Variants in ITGA8 observed in about 807,000 individuals in gnomAD.
The protein encoded by ITGA8 is integrin subunit alpha 8, also known as integrin alpha-8.
In ITGA8, 91 loss-of-function variants were observed where a neutral mutation model predicts 142.3. The observed-to-expected ratio is 0.64, with a 90% CI of 0.54 to 0.76. ITGA8 has a LOEUF of 0.76. Ranked by LOEUF, ITGA8 falls within the 30% of genes least tolerant of loss-of-function variation. The probability of loss-of-function intolerance (pLI) is 0.00; values close to 1 mark genes in which losing one functional copy is unlikely to be tolerated. For synonymous variants in ITGA8, 505 were observed against 485.2 expected (o/e 1.04, Z -0.54); for missense variants, 1,406 against 1,327.7 (o/e 1.06, Z -0.92).
chr10:15,520,439 C>CA (rs1174188874), intron 28 of ITGA8, among the ~76,000 whole-genome samples: 1 of 152,120 alleles, frequency 6.6e-6, no homozygotes, highest in East Asian at 1.9e-4. Flanking sequence ...AACAAAAACA[C>CA]AAAAACAAAG....
intron 25 of ITGA8, among the ~76,000 whole-genome samples, chr10:15,569,608 G>A (rs575371878): frequency 6.6e-6 from 1 of 152,236 alleles, no homozygotes; most frequent in East Asian, 1.9e-4. Flanking sequence ...TTAAAGAGAT[G>A]AAGTCTTGCT....
chr10:15,682,881 C>T (rs555973921), intron 4 of ITGA8, among the ~76,000 whole-genome samples: 1 of 150,736 alleles, frequency 6.6e-6, no homozygotes, highest in African/African-American at 2.4e-5. Context: ...AAAATTTCTA[C>T]TGCCTGTTAT....
At position 15,592,205 on chromosome 10, in the gene ITGA8, T is replaced by A. The variant is rs1035558402; in HGVS notation, c.2291+20A>T. 9 of 1,574,652 alleles carry A rather than the reference T, an allele frequency of 5.7e-6. No individual in the cohort carries two copies. The highest frequency in any genetic ancestry group is 5.4e-5 in the African/African-American group (4 of 74,074). On this transcript the variant is annotated intron_variant, in intron 22 of 29. Transcript: ENST00000378076. The stretch of plus-strand genomic sequence containing the variant: ...TTTCTTTTGACTGCTGTCAACGATA[T>A]AGGCATGTAAAGGTCTAACCTTCTG...
In ITGA8 at chr10:15,539,632, A is replaced by AG. The variant is rs1409197511; in HGVS notation, c.2881-8482dup. 7.9e-5 allele frequency among the ~76,000 whole-genome samples: 12 copies of AG among 152,264 alleles called. No homozygotes were observed. The South Asian group carries it at 2.5e-3, about 32-fold the overall frequency. On this transcript the variant is annotated intron_variant, in intron 27 of 29. Coordinates refer to ENST00000378076, the MANE Select transcript of ITGA8 (RefSeq NM_003638.3). Reference sequence around the variant, plus strand: ...AATCAAATTAGGGTGTGGCTCAAAGAGGAAAGGCAGCCTAATTCTTATTTA... The same window carrying AG: ...AATCAAATTAGGGTGTGGCTCAAAGAGGGAAAGGCAGCCTAATTCTTATTTA...
At chr10:15,672,016 C>G (rs1447828978) in intron 7 of ITGA8, among the ~76,000 whole-genome samples, 2 of 151,914 alleles carry the variant, frequency 1.3e-5, no homozygotes, top group Admixed American at 6.6e-5. Context: ...AGACAGAATA[C>G]TCTGAAAGAT....
At chr10:15,647,108 G>A (rs1019028117) in intron 11 of ITGA8, 57 bp from the exon 12 acceptor site, 3 of 1,352,966 alleles carry the variant, frequency 2.2e-6, no homozygotes, top group Non-Finnish European at 2.1e-6. Context: ...GTCACTTTGG[G>A]TTATTTGTAA....
intron 4 of ITGA8, among the ~76,000 whole-genome samples, chr10:15,683,440 T>C (rs1834779340): frequency 6.6e-6 from 1 of 152,158 alleles, no homozygotes; most frequent in South Asian, 2.1e-4. Context: ...AAAGACTGCT[T>C]GGCTGCAAGA....
At chr10:15,586,721 T>A in intron 22 of ITGA8, 57 bp from the exon 23 acceptor site, 2 of 1,007,900 alleles carry the variant, frequency 2.0e-6, no homozygotes, top group Non-Finnish European at 1.6e-6. Flanking sequence ...TATTACAATA[T>A]ATGATCATAA....
At chr10:15,579,853 T>G (rs1386038378) in intron 23 of ITGA8, among the ~76,000 whole-genome samples, 2 of 151,762 alleles carry the variant, frequency 1.3e-5, no homozygotes, top group African/African-American at 2.4e-5. Context: ...AAAACCCAAC[T>G]TATAAACATT....
At chr10:15,532,656 C>T in intron 27 of ITGA8, among the ~76,000 whole-genome samples, 1 of 151,964 alleles carries the variant, frequency 6.6e-6, no homozygotes, top group East Asian at 1.9e-4. Flanking sequence ...GCTTCTGTGG[C>T]TCTCTTTTGT....
chr10:15,562,616 C>T (rs905297107), intron 25 of ITGA8, among the ~76,000 whole-genome samples: 3 of 152,096 alleles, frequency 2.0e-5, no homozygotes, highest in African/African-American at 7.2e-5. Context: ...ACAAGTGAGA[C>T]CATCATAAAA....
intron 4 of ITGA8, among the ~76,000 whole-genome samples, chr10:15,682,969 G>A (rs1158060730): frequency 6.6e-6 from 1 of 150,424 alleles, no homozygotes; most frequent in Admixed American, 6.6e-5. Context: ...ATTTATTTAT[G>A]GCATTTGATC....
intron 28 of ITGA8, among the ~76,000 whole-genome samples, chr10:15,520,872 C>A (rs771329784): frequency 8.5e-5 from 13 of 152,226 alleles, no homozygotes; most frequent in Admixed American, 4.6e-4. Flanking sequence ...CTATAACCCA[C>A]CCGTCAGGAG....
At chr10:15,684,422 A>G (rs1213217485) in intron 3 of ITGA8, among the ~76,000 whole-genome samples, 1 of 151,684 alleles carries the variant, frequency 6.6e-6, no homozygotes, top group Non-Finnish European at 1.5e-5. Flanking sequence ...GCTGGAGTGC[A>G]GAGGCATGAT....
intron 27 of ITGA8, among the ~76,000 whole-genome samples, chr10:15,532,437 A>AAAG: frequency 6.7e-6 from 1 of 149,640 alleles, no homozygotes; most frequent in South Asian, 2.1e-4. Context: ...AAAAAAAAAA[A>AAAG]AAAAAAAAAG....
At chr10:15,624,143 A>G (rs554371618) in intron 13 of ITGA8, among the ~76,000 whole-genome samples, 52 of 152,308 alleles carry the variant, frequency 3.4e-4, no homozygotes, top group African/African-American at 1.2e-3. Flanking sequence ...GGTGTACAGC[A>G]GTTTGTGCAT....
intron 2 of ITGA8, among the ~76,000 whole-genome samples, chr10:15,707,194 G>A (rs1390910033): frequency 6.6e-6 from 1 of 152,208 alleles, no homozygotes; most frequent in East Asian, 1.9e-4. Flanking sequence ...GGACTGGACT[G>A]AGATTGCAAA....
At chr10:15,717,663 T>C (rs1564422984) in intron 2 of ITGA8, among the ~76,000 whole-genome samples, 2 of 152,256 alleles carry the variant, frequency 1.3e-5, no homozygotes, top group African/African-American at 4.8e-5. Flanking sequence ...TCCAATGCTT[T>C]TATAAAATAC....
chr10:15,687,890 G>T, intron 3 of ITGA8, 48 bp downstream of exon 3: 1 of 1,098,302 alleles, frequency 9.1e-7, no homozygotes, highest in Non-Finnish European at 1.4e-6. Context: ...ACATTCCAGT[G>T]CACACCATAC....
Sources: gnomAD v4.1 joint callset for allele counts (sites outside exome capture counted in the v4.1 genomes callset) on GRCh38, gnomAD v4.1.1 for gene constraint, MANE v1.5 for transcripts, NCBI Gene and HGNC (gene_info 2026-07-23, HGNC 2026-07-21) for gene names.